Variants in HTATSF1 observed in about 807,000 individuals in gnomAD.
HTATSF1 encodes the protein HIV-1 Tat specific factor 1.
A neutral mutation model predicts 46.1 loss-of-function variants in HTATSF1; 6 were observed. The observed-to-expected ratio is 0.13, with a 90% confidence interval of 0.07 to 0.26. HTATSF1 has a LOEUF of 0.26. Ranked by LOEUF, HTATSF1 falls within the 10% of genes least tolerant of loss-of-function variation. HTATSF1 has a pLI of 1.00. For synonymous variants in HTATSF1, 226 were observed against 211.5 expected, an observed-to-expected ratio of 1.07 and a Z score of -0.60; for missense variants, 452 against 559.9, an observed-to-expected ratio of 0.81 and a Z score of 1.94.
At position 136,510,570 on chromosome X, in the gene HTATSF1, T is replaced by G. The variant is rs764630649; in HGVS notation, c.1063-238T>G. Among the ~76,000 whole-genome samples, 19 of 112,538 alleles carry G rather than the reference T, an allele frequency of 1.7e-4. No homozygotes were observed. In the East Asian group the frequency reaches 5.3e-3, roughly 31 times the overall value. On this transcript the variant is annotated intron_variant, in intron 8 of 8. Coordinates refer to ENST00000218364, the MANE Select transcript of HTATSF1 (RefSeq NM_014500.5). The stretch of plus-strand genomic sequence containing the variant: ...AGACAGAGCTCAAATATTAACTTTT[T>G]AAGAGATGAGACATTTCTGCAGTAC...
intron 1 of HTATSF1, among the ~76,000 whole-genome samples, chrX:136,499,127 T>A (rs1466141736): frequency 8.9e-6 from 1 of 112,935 alleles, no homozygotes; most frequent in Admixed American, 9.3e-5. Flanking sequence ...GCTCTCTGCA[T>A]ACAGATATTT....
intron 1 of HTATSF1, among the ~76,000 whole-genome samples, chrX:136,498,669 C>T (rs3027839): frequency 0.015 from 1,687 of 112,335 alleles, 33 homozygotes; most frequent in African/African-American, 0.05. Context: ...TTTTCTTTCC[C>T]ATTCTGTATT....
At position 136,511,829 on chromosome X, in the gene HTATSF1, A is replaced by C; in HGVS notation, c.2084A>C (p.Lys695Thr). 8.3e-7 allele frequency: 1 copy of C among 1,211,333 alleles called. No individual in the cohort carries two copies. Among genetic ancestry groups the C allele is most frequent in the Admixed American group, 2.2e-5 (1 of 46,013 alleles). ...AAGGAAGTTGAAGATGCTGACGAAA[A>C]GTTGTTCGAAGATGATGATTCCAAT... ...DGKEVEDADE[K>T]LFEDDDSNEK... Residue 695 changes from lysine (K) to threonine (T), a missense_variant, in exon 9 of 9, where the codon AAG becomes ACG. This residue lies in a region of HTATSF1 where 246 missense variants were observed against 245.3 expected (regional missense o/e 1.00). Transcript: ENST00000218364.
At chrX:136,503,499 G>A (rs781473310) in intron 5 of HTATSF1, among the ~76,000 whole-genome samples, 2 of 111,987 alleles carry the variant, frequency 1.8e-5, no homozygotes, top group East Asian at 5.5e-4. Flanking sequence ...CTAACACCAT[G>A]CTTAAACTAA....
chrX:136,505,239 C>T (rs1042723426), intron 6 of HTATSF1, among the ~76,000 whole-genome samples: 3 of 111,949 alleles, frequency 2.7e-5, no homozygotes, highest in African/African-American at 6.5e-5. Flanking sequence ...CGTAAAATTC[C>T]GTTTTTACCA....
chrX:136,500,988 T>C (rs1031135451), intron 4 of HTATSF1, among the ~76,000 whole-genome samples, 170 bp downstream of exon 4: 1 of 112,594 alleles, frequency 8.9e-6, no homozygotes, highest in African/African-American at 3.2e-5. Flanking sequence ...GATTATTCAC[T>C]TGTTTTAAGA....
intron 6 of HTATSF1, among the ~76,000 whole-genome samples, chrX:136,507,117 A>G (rs2075745564): frequency 8.9e-6 from 1 of 111,773 alleles, no homozygotes; most frequent in Admixed American, 9.5e-5. Flanking sequence ...ATTTGACTCA[A>G]GACTCCATAT....
rs2075765656 is a variant in HTATSF1 at position 136,511,186 on chromosome X, T to G, written c.1441T>G (p.Ser481Ala). 1.7e-6 allele frequency: 2 copies of G among 1,203,978 alleles called. No homozygotes were observed. Among genetic ancestry groups the G allele is most frequent in the African/African-American group, 3.5e-5 (2 of 56,405 alleles). The part of the protein sequence containing the change: ...CPKRGFEGSC[S>A]QKESEEGNPV... Reference sequence around the variant, plus strand: ...CAAAAGAGGGTTTGAAGGCAGCTGCTCCCAAAAAGAGTCTGAAGAAGGCAA... The same window carrying G: ...CAAAAGAGGGTTTGAAGGCAGCTGCGCCCAAAAAGAGTCTGAAGAAGGCAA... Residue 481 changes from serine to alanine, a missense_variant, in exon 9 of 9, where the codon TCC becomes GCC. Ser to Ala is a moderately conservative substitution (Grantham distance 99). Coordinates refer to ENST00000218364, the MANE Select transcript of HTATSF1 (RefSeq NM_014500.5).
intron 4 of HTATSF1, among the ~76,000 whole-genome samples, chrX:136,501,246 C>T (rs2075716877): frequency 8.9e-6 from 1 of 112,114 alleles, no homozygotes; most frequent in African/African-American, 3.2e-5. Context: ...CACACTAATT[C>T]ATTTATGCAT....
At chrX:136,502,587 G>A (rs1395061358) in intron 4 of HTATSF1, among the ~76,000 whole-genome samples, 191 bp from the exon 5 acceptor site, 4 of 111,193 alleles carry the variant, frequency 3.6e-5, no homozygotes, top group African/African-American at 1.3e-4. Context: ...GGACAGCTGT[G>A]TCTCAGATGC....
chrX:136,511,207 G>A lies in HTATSF1; in HGVS notation c.1462G>A (p.Gly488Ser), dbSNP rs765928925. ...GSCSQKESEE[G>S]NPVRGSEEDS... ...CTGCTCCCAAAAAGAGTCTGAAGAA[G>A]GCAATCCCGTAAGAGGATCTGAAGA... is the stretch of plus-strand genomic sequence containing the variant. Residue 488 changes from glycine (G) to serine (S), a missense_variant, in exon 9 of 9, where the codon GGC (glycine) becomes AGC (serine). Gly to Ser is a moderately conservative substitution (Grantham distance 56). This residue lies in a region of HTATSF1 where 246 missense variants were observed against 245.3 expected (regional missense o/e 1.00). Transcript: ENST00000218364. 5 of 1,208,144 alleles carry A rather than the reference G, an allele frequency of 4.1e-6. No homozygotes were observed. Among genetic ancestry groups the A allele is most frequent in the Non-Finnish European group, 5.6e-6 (5 of 894,652 alleles).
intron 6 of HTATSF1, among the ~76,000 whole-genome samples, chrX:136,505,661 G>A (rs866102369): frequency 9.0e-6 from 1 of 111,581 alleles, no homozygotes; most frequent in Non-Finnish European, 1.9e-5. Context: ...GCATGGTGGC[G>A]CATACCTGTA....
At chrX:136,509,978 C>T in intron 7 of HTATSF1, 104 bp from the exon 8 acceptor site, 1 of 700,174 alleles carries the variant, frequency 1.4e-6, no homozygotes, top group South Asian at 3.8e-5. Context: ...TCTTTTACTT[C>T]AGAGTATCAG....
intron 6 of HTATSF1, among the ~76,000 whole-genome samples, chrX:136,504,859 G>A (rs2075734593): frequency 8.9e-6 from 1 of 111,870 alleles, no homozygotes; most frequent in Non-Finnish European, 1.9e-5. Context: ...CTTCAGTTTG[G>A]TACTAAAAGT....
rs765706066 is a variant in HTATSF1, at chrX:136,499,588, G to A, written c.187-10G>A. On this transcript the variant is annotated splice_polypyrimidine_tract_variant and intron_variant, in intron 1 of 8. Coordinates refer to ENST00000218364, the MANE Select transcript of HTATSF1 (RefSeq NM_014500.5). Reference sequence around the variant, plus strand: ...TTTCTCTGTCCGGGTCTGTTGAATTGCTTGTGTAGATTACTGAAGATTTCA... The same window carrying A: ...TTTCTCTGTCCGGGTCTGTTGAATTACTTGTGTAGATTACTGAAGATTTCA... 1 of 1,150,465 alleles carries A rather than the reference G, an allele frequency of 8.7e-7. No homozygotes were observed. The allele number at this position is 1,150,465 out of a possible 1,213,427, so 94.8% of individuals were successfully genotyped here. A position where few individuals can be genotyped will look rare whatever the true frequency, so the allele number is the denominator to read the frequency against.
rs1406243100 is a variant in HTATSF1, at chrX:136,512,256, A to C, written c.*243A>C. On this transcript the variant is annotated 3_prime_UTR_variant, in exon 9 of 9. Transcript: ENST00000218364. ...ACTTGTTCTTTTGTCAGATTTGTTA[A>C]ATGCATGCAGAATAATATTTTTAAG... 7.0e-6 allele frequency: 2 copies of C among 284,025 alleles called. No homozygotes were observed. The highest frequency in any genetic ancestry group is 1.2e-5 in the Non-Finnish European group (2 of 161,746). 23.4% of individuals were successfully genotyped at this position (284,025 alleles called of 1,213,427 possible).
At chrX:136,506,411 T>C (rs2075742361) in intron 6 of HTATSF1, among the ~76,000 whole-genome samples, 1 of 111,844 alleles carries the variant, frequency 8.9e-6, no homozygotes. Flanking sequence ...ACTCGTCTAC[T>C]AGAATGTGAG....
chrX:136,500,112 C>CT, intron 2 of HTATSF1, 46 bp from the exon 3 acceptor site: 3 of 847,948 alleles, frequency 3.5e-6, no homozygotes, highest in Non-Finnish European at 5.3e-6. Flanking sequence ...TGACTCTTAT[C>CT]TTTTTTTGCA....
In HTATSF1 at chrX:136,511,249, G is replaced by A; in HGVS notation, c.1504G>A (p.Glu502Lys). 8.3e-7 allele frequency: 1 copy of A among 1,209,126 alleles called. No individual in the cohort carries two copies. The highest frequency in any genetic ancestry group is 1.1e-6 in the Non-Finnish European group (1 of 894,814). ...RGSEEDSPKK[E>K]SKKKTLKNDC... ...ATCTGAAGAGGATAGTCCTAAAAAA[G>A]AGTCTAAAAAGAAGACACTCAAAAA... The change falls in exon 9 of 9, where the codon GAG becomes AAG. Residue 502 changes from glutamate to lysine, a missense_variant. This residue lies in a region of HTATSF1 where 246 missense variants were observed against 245.3 expected (regional missense o/e 1.00). Coordinates refer to ENST00000218364, the MANE Select transcript of HTATSF1 (RefSeq NM_014500.5).
Sources: allele counts gnomAD v4.1 joint callset (sites outside exome capture counted in the v4.1 genomes callset), GRCh38; gene constraint gnomAD v4.1.1; regional missense constraint gnomAD v4.1.1; transcripts MANE v1.5; gene names NCBI Gene and HGNC (gene_info 2026-07-23, HGNC 2026-07-21).